Variants in OTOA observed in about 807,000 individuals in gnomAD.
OTOA encodes the protein cancer/testis antigen 108.
A neutral mutation model predicts 110.8 loss-of-function variants in OTOA; 70 were observed. That is an observed-to-expected ratio of 0.63 (90% confidence interval 0.52 to 0.77). OTOA has a LOEUF of 0.77. Ranked by LOEUF, OTOA falls within the 30% of genes least tolerant of loss-of-function variation. OTOA has a pLI of 0.00. For missense variants in OTOA, 917 were observed against 1,075.8 expected, an observed-to-expected ratio of 0.85 and a Z score of 2.06; for synonymous variants, 373 against 431.5, an observed-to-expected ratio of 0.86 and a Z score of 1.68.
intron 19 of OTOA, among the ~76,000 whole-genome samples, 166 bp downstream of exon 19, chr16:21,726,824 C>T (rs1898933389): frequency 6.6e-6 from 1 of 152,032 alleles, no homozygotes; most frequent in African/African-American, 2.4e-5. Context: ...CAATCTTTTC[C>T]ATTGGTTCTG....
Position 21,664,232 on chromosome 16 carries a change from G to A in OTOA, c.-5G>A, listed in dbSNP as rs1966823126. 1 of 152,228 alleles carries A rather than the reference G, an allele frequency of 6.6e-6. No individual in the cohort carries two copies. The highest frequency in any genetic ancestry group is 1.5e-5 in the Non-Finnish European group (1 of 68,090). The allele number at this position is 152,228 out of a possible 1,614,324, so 9.4% of individuals were successfully genotyped here. Reference sequence around the variant, plus strand: ...CAGTGCGGCCAAGCCGGGCTCCGCAGGTGAGGCGCGCGCGGGGGCCTGGGC... The same window carrying A: ...CAGTGCGGCCAAGCCGGGCTCCGCAAGTGAGGCGCGCGCGGGGGCCTGGGC... On this transcript the variant is annotated splice_region_variant and 5_prime_UTR_variant, in exon 1 of 29. Coordinates refer to ENST00000646100, the MANE Select transcript of OTOA (RefSeq NM_144672.4).
chr16:21,704,924 C>T (rs1898126351), intron 11 of OTOA: 5 of 783,016 alleles, frequency 6.4e-6, no homozygotes, highest in Admixed American at 1.7e-5. Context: ...CTGATTGGAT[C>T]GTGGACCATG....
chr16:21,715,261 A>G, intron 14 of OTOA, 109 bp downstream of exon 14: 1 of 1,470,676 alleles, frequency 6.8e-7, no homozygotes, highest in Non-Finnish European at 9.5e-7. Context: ...GGATTGTCTC[A>G]GCTGTTGGTG....
At chr16:21,703,017 A>T (rs1194186379) in intron 11 of OTOA, among the ~76,000 whole-genome samples, 1 of 152,180 alleles carries the variant, frequency 6.6e-6, no homozygotes, top group Non-Finnish European at 1.5e-5. Context: ...ATAAATAAAA[A>T]TTATATCTAT....
At chr16:21,760,147 A>G (rs1188661437) in intron 28 of OTOA, among the ~76,000 whole-genome samples, 1 of 151,886 alleles carries the variant, frequency 6.6e-6, no homozygotes, top group African/African-American at 2.4e-5. Context: ...TTGCTTAATT[A>G]TCAGAATCAC....
At chr16:21,735,733 A>T (rs1180648788) in intron 21 of OTOA, among the ~76,000 whole-genome samples, 1 of 152,106 alleles carries the variant, frequency 6.6e-6, no homozygotes, top group Non-Finnish European at 1.5e-5. Flanking sequence ...AGCTGGGATG[A>T]CAGGCTCATG....
At chr16:21,732,395 G>T (rs1214091892) in intron 21 of OTOA, among the ~76,000 whole-genome samples, 1 of 152,006 alleles carries the variant, frequency 6.6e-6, no homozygotes, top group Non-Finnish European at 1.5e-5. Flanking sequence ...ACATGAGTAA[G>T]TTCTTTAGTG....
intron 7 of OTOA, 152 bp downstream of exon 7, chr16:21,685,513 C>G (rs1440688426): frequency 9.7e-7 from 1 of 1,027,946 alleles, no homozygotes; most frequent in South Asian, 1.5e-5. Flanking sequence ...GGCTTTAGGA[C>G]CTAAGTTTTC....
chr16:21,684,581 G>C (rs1157619066), intron 6 of OTOA: 1 of 1,527,796 alleles, frequency 6.5e-7, no homozygotes, highest in Non-Finnish European at 8.9e-7. Flanking sequence ...GAATCGGGCT[G>C]GCTGGGCCTG....
In OTOA at chr16:21,726,617, C is replaced by T. The variant is rs766019997; in HGVS notation, c.1975C>T (p.His659Tyr). The T allele has an allele frequency of 6.2e-7, 1 of 1,613,896 alleles. No individual in the cohort carries two copies. Among genetic ancestry groups the T allele is most frequent in the South Asian group, 1.1e-5 (1 of 91,084 alleles). ...SWLDSLVLDS[H>Y]KKTSVLRKVQ... ...GTTGGACTCCTTGGTTTTAGATTCC[C>T]ACAAAAAGACTTCAGTCCTCAGGAA... Residue 659 changes from histidine (H) to tyrosine (Y), a missense_variant, in exon 19 of 29, where the codon CAC becomes TAC. Physicochemically the swap from His to Tyr is moderately conservative, Grantham distance 83. This residue lies in a region of OTOA where 840 missense variants were observed against 910.2 expected (regional missense o/e 0.92). Coordinates refer to ENST00000646100, the MANE Select transcript of OTOA (RefSeq NM_144672.4).
intron 8 of OTOA, among the ~76,000 whole-genome samples, chr16:21,689,636 G>C (rs892585022): frequency 6.6e-6 from 1 of 152,000 alleles, no homozygotes; most frequent in African/African-American, 2.4e-5. Flanking sequence ...AAACATCTTT[G>C]GCTCTTTGTC....
intron 24 of OTOA, chr16:21,748,826 T>TTTAC (rs1899725276): frequency 1.3e-5 from 2 of 151,330 alleles, no homozygotes; most frequent in South Asian, 2.1e-4. Context: ...CACTCATTCA[T>TTTAC]TTACTTACTC....
At chr16:21,680,417 G>A (rs551000752) in intron 5 of OTOA, among the ~76,000 whole-genome samples, 1 of 152,286 alleles carries the variant, frequency 6.6e-6, no homozygotes, top group South Asian at 2.1e-4. Context: ...AGGAGGCTGA[G>A]GCAGGAGGAT....
chr16:21,695,195 T>G, intron 9 of OTOA, among the ~76,000 whole-genome samples: 1 of 149,004 alleles, frequency 6.7e-6, no homozygotes, highest in Non-Finnish European at 1.5e-5. Context: ...AGGCCAGGAG[T>G]TCAAGGCCAG....
chr16:21,683,765 A>G (rs1276750746), intron 6 of OTOA, among the ~76,000 whole-genome samples: 1 of 97,344 alleles, frequency 1.0e-5, no homozygotes, highest in Non-Finnish European at 2.0e-5. Flanking sequence ...CAGATAAATA[A>G]TGAGTGATTT....
chr16:21,694,988 T>C (rs1332719693), intron 9 of OTOA, among the ~76,000 whole-genome samples: 1 of 152,004 alleles, frequency 6.6e-6, no homozygotes, highest in Non-Finnish European at 1.5e-5. Context: ...CTAAAATTCT[T>C]ATACGGTGCG....
Position 21,709,902 on chromosome 16 carries a change from C to G in OTOA, c.1119C>G (p.Leu373=), listed in dbSNP as rs376732939. The change falls in exon 13 of 29, where the codon CTC becomes CTG. Residue 373 remains leucine (L), a synonymous_variant. Transcript: ENST00000646100. ...QAGVQKLKAE[L]LDIAMENQTL... Reference sequence around the variant, plus strand: ...TCTCCTTCCAGCTCAAAGCAGAACTCCTGGACATTGCCATGGAGAACCAGA... The same window carrying G: ...TCTCCTTCCAGCTCAAAGCAGAACTGCTGGACATTGCCATGGAGAACCAGA... 1 of 1,613,838 alleles carries G rather than the reference C, an allele frequency of 6.2e-7. No homozygotes were observed. Among genetic ancestry groups the G allele is most frequent in the South Asian group, 1.1e-5 (1 of 91,062 alleles).
At chr16:21,722,393 A>AAATAT (rs371144928) in intron 17 of OTOA, among the ~76,000 whole-genome samples, 57,141 of 148,296 alleles carry the variant, frequency 0.39, 11,491 homozygotes, top group Admixed American at 0.43. Context: ...ATGTATAGTT[A>AAATAT]AGCTATATAT....
At chr16:21,751,749 C>T (rs1335176336) in intron 24 of OTOA, among the ~76,000 whole-genome samples, 186 bp from the exon 25 acceptor site, 1 of 114,002 alleles carries the variant, frequency 8.8e-6, no homozygotes, top group African/African-American at 2.9e-5. Context: ...GGGACATACT[C>T]AGTTGAAGTA....
Sources: gnomAD v4.1 joint callset for allele counts (sites outside exome capture counted in the v4.1 genomes callset) on GRCh38, gnomAD v4.1.1 for gene constraint, gnomAD v4.1.1 regional missense constraint, MANE v1.5 for transcripts, NCBI Gene and HGNC (gene_info 2026-07-23, HGNC 2026-07-21) for gene names.